Variants in LRRC27 observed in about 807,000 individuals in gnomAD.
The protein encoded by LRRC27 is leucine rich repeat containing 27, also known as leucine-rich repeat-containing protein 27.
LRRC27 carries 57 observed loss-of-function variants against 55.0 expected under a neutral mutation model. The ratio of observed to expected loss-of-function variants is 1.04; its 90% CI spans 0.84 to 1.29. LRRC27 has a LOEUF of 1.29. Among genes scored for constraint, LRRC27 ranks in the 50% most tolerant of loss-of-function variants. The pLI is 0.00. For synonymous variants in LRRC27, 278 were observed against 251.9 expected, an observed-to-expected ratio of 1.10 and a Z score of -0.98; for missense variants, 721 against 651.5, an observed-to-expected ratio of 1.11 and a Z score of -1.16.
intron 8 of LRRC27, among the ~76,000 whole-genome samples, chr10:132,358,821 GGGAAGGAGCCGAGCTGGTGGAGCAGCGTA>G (rs1263926250): frequency 4.5e-5 from 1 of 22,248 alleles, no homozygotes; most frequent in Non-Finnish European, 6.7e-5. Context: ...GGTGGAGCGT[GGGAAGGAGCCGAGCTGGTGGAGCAGCGTA>G]GGGAGGAGCC....
At chr10:132,364,839 C>CACAATTACACCCACGCTT (rs1564855219) in intron 9 of LRRC27, among the ~76,000 whole-genome samples, 1 of 150,680 alleles carries the variant, frequency 6.6e-6, no homozygotes, top group African/African-American at 2.5e-5. Flanking sequence ...CCTCCACGCC[C>CACAATTACACCCACGCTT]ACACCCTGGG....
chr10:132,349,105 C>A, intron 6 of LRRC27: 1 of 1,272,918 alleles, frequency 7.9e-7, no homozygotes, highest in Non-Finnish European at 1.1e-6. Flanking sequence ...GGTGTGTGTG[C>A]CTGTGTGTGT....
intron 6 of LRRC27, chr10:132,349,022 T>C (rs376380568): frequency 1.2e-6 from 2 of 1,610,936 alleles, no homozygotes; most frequent in Non-Finnish European, 1.7e-6. Flanking sequence ...ACTCGAATCA[T>C]GGGCGTGGTA....
chr10:132,349,175 C>A lies in LRRC27; in HGVS notation c.926+819C>A, dbSNP rs889000540. On this transcript the variant is annotated intron_variant, in intron 6 of 10. Transcript: ENST00000368614. ...AATTGGTGAATCTAGATCATGCATT[C>A]TCAAGGGGCACATTGTCATAGCCGA... 3.9e-5 allele frequency: 29 copies of A among 744,048 alleles called. No homozygotes were observed. The African/African-American group carries it at 4.5e-4, about 12-fold the overall frequency. The allele number at this position is 744,048 out of a possible 1,614,324, so 46.1% of individuals were successfully genotyped here. A position where few individuals can be genotyped will look rare whatever the true frequency, so the allele number is the denominator to read the frequency against.
At chr10:132,352,518 G>GCTCGTGGTC (rs1368565416) in intron 7 of LRRC27, among the ~76,000 whole-genome samples, 34 of 45,604 alleles carry the variant, frequency 7.5e-4, no homozygotes, top group South Asian at 2.4e-3. Flanking sequence ...GCAGGCGCAG[G>GCTCGTGGTC]TGCAGCGCTC....
rs531379980 is a variant in LRRC27 at position 132,352,789 on chromosome 10, G to A, written c.1073+1036G>A. 31 of 1,411,876 alleles carry A rather than the reference G, an allele frequency of 2.2e-5. No homozygotes were observed. The South Asian group carries it at 2.7e-4, about 12-fold the overall frequency. The allele number at this position is 1,411,876 out of a possible 1,614,324, so 87.5% of individuals were successfully genotyped here. A position where few individuals can be genotyped will look rare whatever the true frequency, so the allele number is the denominator to read the frequency against. ...GTGGGACAGGCCGGTTGCAGTGCTC[G>A]CGGTCGCCCCCTTGTGTCCGTCTTT... On this transcript the variant is annotated intron_variant, in intron 7 of 10. Transcript: ENST00000368614.
At chr10:132,352,836 C>T (rs778667139) in intron 7 of LRRC27, 11 of 1,605,218 alleles carry the variant, frequency 6.9e-6, no homozygotes, top group Non-Finnish European at 9.4e-6. Context: ...CTCACGACAC[C>T]TGCCTGCTTT....
In LRRC27 at chr10:132,355,896, G is replaced by A. The variant is rs371634054; in HGVS notation, c.1170+10G>A. The A allele has an allele frequency of 7.6e-5, 118 of 1,545,912 alleles. No individual in the cohort carries two copies. The highest frequency in any genetic ancestry group is 1.4e-4 in the Admixed American group (7 of 50,918). ...TCCGCGGAGGAGCATGGTACGGCAC[G>A]CGCGGGCGGTGACCGGGCACTAGTC... On this transcript the variant is annotated intron_variant, in intron 8 of 10. Transcript: ENST00000368614.
intron 6 of LRRC27, among the ~76,000 whole-genome samples, chr10:132,349,536 G>T (rs2067903437): frequency 6.6e-6 from 1 of 152,180 alleles, no homozygotes; most frequent in South Asian, 2.1e-4. Flanking sequence ...CGGTGAAAGG[G>T]CAGGAATATC....
At position 132,379,308 on chromosome 10, in the gene LRRC27, A is replaced by T. The variant is rs2069381296; in HGVS notation, c.*4066A>T. The stretch of plus-strand genomic sequence containing the variant: ...GTTCTCAGGGAGTGCGTGGTCTTGG[A>T]TGCCATCCTGCTCATCTCCAGCATT... On this transcript the variant is annotated 3_prime_UTR_variant, in exon 11 of 11. Transcript: ENST00000368614. 1.5e-5 allele frequency: 2 copies of T among 135,514 alleles called. No homozygotes were observed. Among genetic ancestry groups the T allele is most frequent in the South Asian group, 2.3e-4 (1 of 4,396 alleles). 8.4% of individuals were successfully genotyped at this position (135,514 alleles called of 1,614,324 possible).
intron 5 of LRRC27, 151 bp from the exon 6 acceptor site, chr10:132,347,833 A>G (rs1332030771): frequency 2.1e-6 from 2 of 954,556 alleles, no homozygotes; most frequent in African/African-American, 3.3e-5. Context: ...AGGTGGGGTG[A>G]CGGGAATTGT....
At chr10:132,330,512 C>G (rs117392241), upstream of LRRC27, 1 of 716,660 alleles carries the variant, frequency 1.4e-6, no homozygotes, top group Non-Finnish European at 2.6e-6. Context: ...TGGGTATGTA[C>G]GAAAACTTTT....
chr10:132,347,038 G>A (rs2067737585), intron 5 of LRRC27, among the ~76,000 whole-genome samples: 1 of 152,218 alleles, frequency 6.6e-6, no homozygotes, highest in African/African-American at 2.4e-5. Context: ...TGGCCAATAG[G>A]TCCCAGTGGC....
intron 9 of LRRC27, among the ~76,000 whole-genome samples, chr10:132,364,058 GCCCGCTAAC>G (rs1215718498): frequency 6.6e-6 from 1 of 151,952 alleles, no homozygotes; most frequent in Admixed American, 6.5e-5. Flanking sequence ...GACCACAGTG[GCCCGCTAAC>G]CCCCCATCAC....
At chr10:132,344,016 A>T (rs1056466248) in intron 4 of LRRC27, among the ~76,000 whole-genome samples, 26 of 152,174 alleles carry the variant, frequency 1.7e-4, no homozygotes, top group Non-Finnish European at 2.9e-4. Flanking sequence ...ATTTTCTTCT[A>T]ATTAAACACA....
intron 3 of LRRC27, among the ~76,000 whole-genome samples, chr10:132,339,641 A>G (rs2067306574): frequency 6.6e-6 from 1 of 152,216 alleles, no homozygotes; most frequent in Admixed American, 6.5e-5. Flanking sequence ...GAGGCTTCCA[A>G]GCCTGAGGCT....
intron 6 of LRRC27, chr10:132,349,018 A>T: frequency 1.2e-6 from 2 of 1,611,302 alleles, no homozygotes; most frequent in Non-Finnish European, 1.7e-6. Context: ...AAAAACTCGA[A>T]TCATGGGCGT....
rs1039346685 is a variant in LRRC27, at chr10:132,374,179, G to A, written c.1417-887G>A. On this transcript the variant is annotated intron_variant, in intron 10 of 10. Coordinates refer to ENST00000368614, the MANE Select transcript of LRRC27 (RefSeq NM_030626.3). This position sits in a 1 kb window ranked among gnomAD's most constrained non-coding sequence, Gnocchi z 4.4. ...TGCAGTGGCTCCAGGGACCTGCTGT[G>A]ATATGGCTGCATGGTGAGGGGGTGC... Among the ~76,000 whole-genome samples, 2 of 134,628 alleles carry A rather than the reference G, an allele frequency of 1.5e-5. No individual in the cohort carries two copies. Among genetic ancestry groups the A allele is most frequent in the Non-Finnish European group, 3.4e-5 (2 of 58,514 alleles). The allele number at this position is 134,628 out of a possible 152,430, so 88.3% of individuals were successfully genotyped here. A position where few individuals can be genotyped will look rare whatever the true frequency, so the allele number is the denominator to read the frequency against.
Position 132,372,268 on chromosome 10 carries a change from A to G in LRRC27, c.1417-2798A>G, listed in dbSNP as rs1328677873. Among the ~76,000 whole-genome samples, 5 of 151,498 alleles carry G rather than the reference A, an allele frequency of 3.3e-5. No homozygotes were observed. Among genetic ancestry groups the G allele is most frequent in the Non-Finnish European group, 7.4e-5 (5 of 67,868 alleles). On this transcript the variant is annotated intron_variant, in intron 10 of 10. Transcript: ENST00000368614. This position sits in a 1 kb window ranked among gnomAD's most constrained non-coding sequence, Gnocchi z 4.0. ...CACAGGAAGACAAAACCAACCACAG[A>G]AGGATGGGAAGTGGGGGTCGGGGTG...
Sources: gnomAD v4.1 joint callset for allele counts (sites outside exome capture counted in the v4.1 genomes callset) on GRCh38, gnomAD v4.1.1 for gene constraint, Gnocchi (gnomAD v3.1) non-coding constraint, MANE v1.5 for transcripts, NCBI Gene and HGNC (gene_info 2026-07-23, HGNC 2026-07-21) for gene names.